The following DGKB variants were observed in gnomAD, a reference collection of about 807,000 sequenced individuals.
DGKB encodes the protein diacylglycerol kinase beta, also known as 90 kDa diacylglycerol kinase.
Under a neutral mutation model 114.3 loss-of-function variants are expected in DGKB, and 67 were observed. That is an observed-to-expected ratio of 0.59 (90% CI 0.48 to 0.72). The LOEUF is 0.72. Among genes scored for constraint, DGKB ranks in the 30% least tolerant of loss-of-function variants. The pLI, the probability that DGKB is intolerant of heterozygous loss-of-function variation, is 0.00. For missense variants in DGKB, 907 were observed against 975.2 expected (o/e 0.93, Z 0.93); for synonymous variants, 398 against 323.1 (o/e 1.23, Z -2.49).
At chr7:14,392,982 G>GTTTT (rs1298052301) in intron 21 of DGKB, among the ~76,000 whole-genome samples, 4 of 27,478 alleles carry the variant, frequency 1.5e-4, no homozygotes, top group African/African-American at 2.7e-4. Context: ...AAACAGACCT[G>GTTTT]TTTTTTGTTT....
At chr7:14,467,828 AT>A (rs1379203609) in intron 21 of DGKB, among the ~76,000 whole-genome samples, 4 of 152,258 alleles carry the variant, frequency 2.6e-5, no homozygotes, top group Admixed American at 2.6e-4. Context: ...AGAGGATATA[AT>A]TAGTTCCAAT....
In DGKB at chr7:14,305,369, G is replaced by C. The variant is rs556370805; in HGVS notation, c.2122+33146C>G. ...TTTTTTTGCTTCTACATGTGAGTGGGAACATGTGATATACGTCTTTCCGTG... is the reference window on the plus strand; with the variant it reads ...TTTTTTTGCTTCTACATGTGAGTGGCAACATGTGATATACGTCTTTCCGTG... On this transcript the variant is annotated intron_variant, in intron 23 of 25. Coordinates refer to ENST00000402815, the MANE Select transcript of DGKB (RefSeq NM_001350709.2). Among the ~76,000 whole-genome samples the C allele has an allele frequency of 2.0e-3, 297 of 152,138 alleles. 2 individuals are homozygous for C. The highest frequency in any genetic ancestry group is 0.014 in the Middle Eastern group (4 of 294).
chr7:14,488,784 C>T (rs1386179847), intron 20 of DGKB, among the ~76,000 whole-genome samples: 7 of 150,688 alleles, frequency 4.6e-5, no homozygotes, highest in African/African-American at 7.3e-5. Context: ...GCCGAGACTG[C>T]GCCACTGCAC....
intron 21 of DGKB, among the ~76,000 whole-genome samples, chr7:14,435,771 T>C (rs1253525464): frequency 1.3e-5 from 2 of 152,074 alleles, no homozygotes; most frequent in African/African-American, 4.8e-5. Flanking sequence ...AACTTTGTTT[T>C]TGAAAATTAT....
At chr7:14,328,443 A>T (rs1203316217) in intron 23 of DGKB, among the ~76,000 whole-genome samples, 1 of 152,038 alleles carries the variant, frequency 6.6e-6, no homozygotes, top group Non-Finnish European at 1.5e-5. Flanking sequence ...ATGTTTAAAA[A>T]GGGTAGAAAG....
intron 13 of DGKB, among the ~76,000 whole-genome samples, chr7:14,648,678 C>T (rs1813719328): frequency 6.6e-6 from 1 of 151,726 alleles, no homozygotes; most frequent in Non-Finnish European, 1.5e-5. Context: ...AAGAAGGCTT[C>T]AGTCGATCAA....
chr7:14,650,917 G>A (rs969638891), intron 13 of DGKB, among the ~76,000 whole-genome samples: 91 of 152,104 alleles, frequency 6.0e-4, no homozygotes, highest in African/African-American at 9.2e-4. Flanking sequence ...TAAACTCCTC[G>A]ACACATACAC....
intron 4 of DGKB, among the ~76,000 whole-genome samples, chr7:14,748,090 T>C (rs1405511694): frequency 1.3e-5 from 2 of 152,202 alleles, no homozygotes; most frequent in Non-Finnish European, 2.9e-5. Flanking sequence ...ACTCTATCCT[T>C]AATTTCTTTT....
chr7:14,828,597 ACT>A (rs1257102555), intron 2 of DGKB, among the ~76,000 whole-genome samples: 1 of 151,986 alleles, frequency 6.6e-6, no homozygotes, highest in African/African-American at 2.4e-5. Context: ...AGTAAATTAT[ACT>A]TCTAAGGAAT....
chr7:14,304,648 G>T (rs55963194), intron 23 of DGKB, among the ~76,000 whole-genome samples: 159 of 152,196 alleles, frequency 1.0e-3, no homozygotes, highest in African/African-American at 3.7e-3. Flanking sequence ...GTGTCCAGTA[G>T]CATGTTTACA....
intron 1 of DGKB, among the ~76,000 whole-genome samples, chr7:14,951,527 G>C (rs1340231708): frequency 6.6e-6 from 1 of 151,936 alleles, no homozygotes; most frequent in African/African-American, 2.4e-5. Context: ...ATGAACAATC[G>C]AGGCACAGGA....
At chr7:14,191,400 TA>T in intron 23 of DGKB, 1 of 162,558 alleles carries the variant, frequency 6.2e-6, no homozygotes. Flanking sequence ...AGCCATGTGC[TA>T]ACATGCATTG....
intron 23 of DGKB, among the ~76,000 whole-genome samples, chr7:14,184,559 C>T (rs1783119816): frequency 1.3e-5 from 2 of 152,088 alleles, no homozygotes; most frequent in East Asian, 3.9e-4. Context: ...CCATAATCCT[C>T]CTAGGTATAC....
At chr7:14,386,911 A>T (rs989906046) in intron 21 of DGKB, among the ~76,000 whole-genome samples, 1 of 152,098 alleles carries the variant, frequency 6.6e-6, no homozygotes, top group African/African-American at 2.4e-5. Flanking sequence ...TTTCTCACTT[A>T]TGATTCCTTT....
chr7:14,392,784 T>A (rs1821520456), intron 21 of DGKB, among the ~76,000 whole-genome samples: 1 of 152,066 alleles, frequency 6.6e-6, no homozygotes, highest in African/African-American at 2.4e-5. Flanking sequence ...TTACAATGAA[T>A]AAAATAAGAA....
chr7:14,349,178 G>A (rs888240087), intron 21 of DGKB, among the ~76,000 whole-genome samples: 1 of 151,874 alleles, frequency 6.6e-6, no homozygotes, highest in African/African-American at 2.4e-5. Flanking sequence ...GGAAAAGAGG[G>A]GCTCAATTCA....
At chr7:14,428,257 C>T (rs1031730233) in intron 21 of DGKB, among the ~76,000 whole-genome samples, 1 of 152,120 alleles carries the variant, frequency 6.6e-6, no homozygotes. Flanking sequence ...GTTCTGTTCT[C>T]TGAGCCCCTT....
At chr7:14,411,152 T>C (rs942881118) in intron 21 of DGKB, among the ~76,000 whole-genome samples, 2 of 152,184 alleles carry the variant, frequency 1.3e-5, no homozygotes, top group Non-Finnish European at 2.9e-5. Context: ...TTGCATGAGA[T>C]ATTCAACACC....
chr7:14,474,224 TAGTG>T (rs929515959), intron 21 of DGKB, among the ~76,000 whole-genome samples: 128 of 152,284 alleles, frequency 8.4e-4, no homozygotes, highest in African/African-American at 3.0e-3. Context: ...GTTCTTATGA[TAGTG>T]AGTAAGTCTC....
Sources: gnomAD v4.1 joint callset for allele counts (sites outside exome capture counted in the v4.1 genomes callset) on GRCh38, gnomAD v4.1.1 for gene constraint, MANE v1.5 for transcripts, NCBI Gene and HGNC (gene_info 2026-07-23, HGNC 2026-07-21) for gene names.